The following SOS1 variants were observed in gnomAD, a reference collection of about 807,000 sequenced individuals.
The protein encoded by SOS1 is SOS Ras/Rac guanine nucleotide exchange factor 1, also known as son of sevenless homolog 1.
A neutral mutation model predicts 157.6 loss-of-function variants in SOS1; 25 were observed. The observed-to-expected ratio is 0.16, with a 90% CI of 0.12 to 0.22. SOS1 has a LOEUF of 0.22. Ranked by LOEUF, SOS1 falls within the 10% of genes least tolerant of loss-of-function variation. The pLI, the probability that SOS1 is intolerant of heterozygous loss-of-function variation, is 1.00. For missense variants in SOS1, 1,237 were observed against 1,599.1 expected (o/e 0.77, Z 3.86); for synonymous variants, 528 against 534.0 (o/e 0.99, Z 0.16).
rs572765165 is a variant in SOS1, at chr2:39,094,170, CTT to C, written c.87+26164_87+26165del. Among the ~76,000 whole-genome samples the C allele has an allele frequency of 6.6e-5, 10 of 151,748 alleles. No homozygotes were observed. In the South Asian group the frequency reaches 2.1e-3, roughly 32 times the overall value. ...TGTTTGTTTTGGAAAACAGTTTTCT[CTT>C]TTTCTTTTTTCTTTCTTGGAAAACA... is the stretch of plus-strand genomic sequence containing the variant. On this transcript the variant is annotated intron_variant, in intron 1 of 22. Coordinates refer to ENST00000402219, the MANE Select transcript of SOS1 (RefSeq NM_005633.4).
At chr2:39,123,597 A>G (rs2148248550), upstream of SOS1, among the ~76,000 whole-genome samples, 2 of 152,064 alleles carry the variant, frequency 1.3e-5, no homozygotes, top group Admixed American at 1.3e-4. Flanking sequence ...ACCTCAAGCA[A>G]TCCACCCACC....
chr2:39,101,355 G>A (rs1672960730), intron 1 of SOS1, among the ~76,000 whole-genome samples: 1 of 152,126 alleles, frequency 6.6e-6, no homozygotes, highest in Admixed American at 6.5e-5. Context: ...ACGTGAGATT[G>A]GAGGTGGACA....
intron 1 of SOS1, among the ~76,000 whole-genome samples, chr2:39,101,517 T>C (rs1375824675): frequency 6.6e-6 from 1 of 152,222 alleles, no homozygotes; most frequent in Non-Finnish European, 1.5e-5. Flanking sequence ...GACAGCATTA[T>C]AGGCACCCAT....
chr2:39,117,164 G>C (rs915700267), intron 1 of SOS1, among the ~76,000 whole-genome samples: 2 of 151,960 alleles, frequency 1.3e-5, no homozygotes, highest in Non-Finnish European at 2.9e-5. Flanking sequence ...GAGTAGCTGG[G>C]ATTACAGGTG....
At chr2:39,109,800 C>T (rs1055995260) in intron 1 of SOS1, among the ~76,000 whole-genome samples, 4 of 152,120 alleles carry the variant, frequency 2.6e-5, no homozygotes, top group Non-Finnish European at 1.5e-5. Flanking sequence ...AGGATACTGG[C>T]ACATAGCAGG....
chr2:39,010,902 T>TTTC (rs1439520658), intron 14 of SOS1, among the ~76,000 whole-genome samples, 199 bp from the exon 15 acceptor site: 2 of 150,830 alleles, frequency 1.3e-5, no homozygotes, highest in African/African-American at 2.4e-5. Context: ...TAAACTTTTT[T>TTTC]TTTTTTTTTT....
At chr2:39,023,901 C>G (rs911121001) in intron 9 of SOS1, 109 bp downstream of exon 9, 22 of 764,468 alleles carry the variant, frequency 2.9e-5, no homozygotes, top group Non-Finnish European at 4.5e-5. Flanking sequence ...CCAGGCTTGT[C>G]ACTAAAACTA....
At chr2:39,094,647 G>T (rs297146) in intron 1 of SOS1, among the ~76,000 whole-genome samples, 1 of 151,702 alleles carries the variant, frequency 6.6e-6, no homozygotes, top group African/African-American at 2.4e-5. Flanking sequence ...AGCAAGACTC[G>T]GTCTCAAATA....
chr2:39,095,488 G>A (rs1406780657), intron 1 of SOS1, among the ~76,000 whole-genome samples: 1 of 152,188 alleles, frequency 6.6e-6, no homozygotes, highest in East Asian at 1.9e-4. Flanking sequence ...AGAACTAACA[G>A]CCAGGCAAAA....
At chr2:39,062,215 C>A (rs980381407) in intron 2 of SOS1, among the ~76,000 whole-genome samples, 15 of 151,692 alleles carry the variant, frequency 9.9e-5, no homozygotes, top group South Asian at 6.3e-4. Flanking sequence ...GTCAGGAGTT[C>A]AAGACCAGCC....
At chr2:39,013,405 C>A in intron 13 of SOS1, 55 bp downstream of exon 13, 1 of 969,390 alleles carries the variant, frequency 1.0e-6, no homozygotes, top group South Asian at 1.3e-5. Context: ...TTGATAGTCA[C>A]CGTGTTGGTA....
rs899095437 is a variant in SOS1, at chr2:39,007,320, A to G, written c.2511-127T>C. On this transcript the variant is annotated intron_variant, in intron 15 of 22. Coordinates refer to ENST00000402219, the MANE Select transcript of SOS1 (RefSeq NM_005633.4). ...GGCGATAGTATAACTACTATAGAGA[A>G]GACACATTCAGGGTGACTGATAGAA... The G allele has an allele frequency of 4.0e-5, 27 of 673,936 alleles. No individual in the cohort carries two copies. The Admixed American group carries it at 6.1e-4, about 15-fold the overall frequency. The allele number at this position is 673,936 out of a possible 1,614,324, so 41.7% of individuals were successfully genotyped here. A position where few individuals can be genotyped will look rare whatever the true frequency, so the allele number is the denominator to read the frequency against.
chr2:38,986,209 T>C lies in SOS1; in HGVS notation c.3617A>G (p.Asp1206Gly). ...YSISDRTSIS[D>G]PPESPPLLPP... ...TAATAAGGGAGGGCTTTCAGGAGGG[T>C]CTGAGATAGAGGTCCGGTCTGATAT... Residue 1206 changes from aspartate to glycine, a missense_variant, in exon 23 of 23, where the codon GAC (aspartate) becomes GGC (glycine). Physicochemically the swap from Asp to Gly is moderately conservative, Grantham distance 94. Coordinates refer to ENST00000402219, the MANE Select transcript of SOS1 (RefSeq NM_005633.4). 1 of 1,613,764 alleles carries C rather than the reference T, an allele frequency of 6.2e-7. No individual in the cohort carries two copies. The highest frequency in any genetic ancestry group is 8.5e-7 in the Non-Finnish European group (1 of 1,179,864).
At chr2:39,123,003 G>A (rs1230063340), upstream of SOS1, among the ~76,000 whole-genome samples, 1 of 152,160 alleles carries the variant, frequency 6.6e-6, no homozygotes, top group African/African-American at 2.4e-5. Context: ...ACAAAGGCGT[G>A]CATCTGGCTC....
At chr2:39,081,497 G>A (rs1672199544) in intron 1 of SOS1, among the ~76,000 whole-genome samples, 1 of 151,176 alleles carries the variant, frequency 6.6e-6, no homozygotes, top group Non-Finnish European at 1.5e-5. Context: ...TCTACCTTGG[G>A]CAACAGAGTG....
At chr2:39,083,902 C>A (rs975832258) in intron 1 of SOS1, among the ~76,000 whole-genome samples, 2 of 152,160 alleles carry the variant, frequency 1.3e-5, no homozygotes, top group African/African-American at 2.4e-5. Flanking sequence ...TAAGCCCCAG[C>A]ACCTCAGAAT....
At chr2:39,109,413 T>C (rs1276166576) in intron 1 of SOS1, among the ~76,000 whole-genome samples, 1 of 152,102 alleles carries the variant, frequency 6.6e-6, no homozygotes. Context: ...TTTTTCCAAA[T>C]GAAATTCTAT....
At chr2:38,996,837 T>A in intron 19 of SOS1, 85 bp downstream of exon 19, 1 of 793,520 alleles carries the variant, frequency 1.3e-6, no homozygotes, top group Non-Finnish European at 2.3e-6. Context: ...ATCACATGTA[T>A]ACTTCATCCC....
At chr2:39,041,570 G>T (rs1256206289) in intron 6 of SOS1, among the ~76,000 whole-genome samples, 1 of 151,990 alleles carries the variant, frequency 6.6e-6, no homozygotes, top group Non-Finnish European at 1.5e-5. Context: ...TATAGCTTGT[G>T]CTTTTGGCAT....
Sources: gnomAD v4.1 joint callset for allele counts (sites outside exome capture counted in the v4.1 genomes callset) on GRCh38, gnomAD v4.1.1 for gene constraint, MANE v1.5 for transcripts, NCBI Gene and HGNC (gene_info 2026-07-23, HGNC 2026-07-21) for gene names.